DNAH1: variants seen among roughly 807,000 people sequenced by gnomAD.
DNAH1 encodes axonemal beta dynein heavy chain 1.
DNAH1 carries 327 observed loss-of-function variants against 484.3 expected under a neutral mutation model. That is an observed-to-expected ratio of 0.68 (90% CI 0.62 to 0.74). The LOEUF (loss-of-function observed/expected upper bound fraction) is 0.74. DNAH1 is among the 30% of genes least tolerant of loss of function. The pLI is 0.00. For synonymous variants in DNAH1, 2,192 were observed against 2,191.9 expected, an observed-to-expected ratio of 1.00 and a Z score of 0.00; for missense variants, 5,052 against 5,546.8, an observed-to-expected ratio of 0.91 and a Z score of 2.83.
At chr3:52,396,250 C>G (rs1704618325) in intron 70 of DNAH1, 118 bp from the exon 71 acceptor site, 2 of 1,165,538 alleles carry the variant, frequency 1.7e-6, no homozygotes, top group Non-Finnish European at 2.4e-6. Flanking sequence ...CAATTCTTAA[C>G]CAGTTGTCTG....
chr3:52,359,342 G>A lies in DNAH1; in HGVS notation c.4363G>A (p.Ala1455Thr). The A allele has an allele frequency of 6.4e-7, 1 of 1,570,638 alleles. No homozygotes were observed. Among genetic ancestry groups the A allele is most frequent in the Admixed American group, 1.8e-5 (1 of 54,788 alleles). ...WTMEVAEALEAGNLRSQLFPQ... is the reference protein window; with the variant it reads ...WTMEVAEALETGNLRSQLFPQ... ...CATGGAGGTGGCAGAGGCTCTGGAG[G>A]CCGGCAACCTCAGAAGCCAACTGTT... Residue 1455 changes from alanine to threonine, a missense_variant, in exon 26 of 78, where the codon GCC becomes ACC. Physicochemically the swap from Ala to Thr is moderately conservative, Grantham distance 58 (BLOSUM62 0). Around this residue, in one of 4 missense-constraint regions of DNAH1, gnomAD observed 2,929 missense variants for 3,409.4 expected, o/e 0.86. Coordinates refer to ENST00000420323, the MANE Select transcript of DNAH1 (RefSeq NM_015512.5).
Position 52,364,582 on chromosome 3 carries a change from G to A in DNAH1, c.5245-56G>A. The A allele has an allele frequency of 1.3e-6, 2 of 1,597,980 alleles. No homozygotes were observed. The highest frequency in any genetic ancestry group is 1.7e-6 in the Non-Finnish European group (2 of 1,165,858). On this transcript the variant is annotated intron_variant, in intron 32 of 77. Coordinates refer to ENST00000420323, the MANE Select transcript of DNAH1 (RefSeq NM_015512.5). This position sits in a 1 kb window ranked among gnomAD's most constrained non-coding sequence, Gnocchi z 4.2. ...CCAGGTGGGAGGCAGAGTGTTCCAG[G>A]CAGAAGCCTTGGAGAGGGACAGTGC... is the stretch of plus-strand genomic sequence containing the variant.
In DNAH1 at chr3:52,354,919, TC is replaced by T; in HGVS notation, c.3559del (p.Leu1187Ter). 1 of 1,613,930 alleles carries T rather than the reference TC, an allele frequency of 6.2e-7. No homozygotes were observed. Among genetic ancestry groups the T allele is most frequent in the Non-Finnish European group, 8.5e-7 (1 of 1,179,876 alleles). On this transcript the variant is annotated frameshift_variant, in exon 21 of 78. Coordinates refer to ENST00000420323, the MANE Select transcript of DNAH1 (RefSeq NM_015512.5). LOFTEE classifies it high-confidence loss of function. The part of the protein sequence containing the change: ...VLPYKATDTY[I>X]LKSPDEASQL... Reference sequence around the variant, plus strand: ...CCCTACAAGGCGACAGACACCTACATCCTGAAGAGCCCGGACGAGGCCTCAC... The same window carrying T: ...CCCTACAAGGCGACAGACACCTACATCTGAAGAGCCCGGACGAGGCCTCAC...
At chr3:52,373,133 T>G in intron 44 of DNAH1, 80 bp downstream of exon 44, 2 of 1,436,758 alleles carry the variant, frequency 1.4e-6, no homozygotes, top group Admixed American at 3.0e-5. Flanking sequence ...ACTGAAGGCC[T>G]ACAATACTTT....
intron 14 of DNAH1, 82 bp from the exon 15 acceptor site, chr3:52,349,907 C>G (rs1702300936): frequency 6.6e-7 from 1 of 1,515,302 alleles, no homozygotes; most frequent in Non-Finnish European, 8.9e-7. Context: ...TCGGGAGATG[C>G]TGGAGACCAA....
chr3:52,396,654 T>C lies in DNAH1; in HGVS notation c.11467T>C (p.Leu3823=). The C allele has an allele frequency of 6.2e-7, 1 of 1,613,648 alleles. No homozygotes were observed. Among genetic ancestry groups the C allele is most frequent in the Non-Finnish European group, 8.5e-7 (1 of 1,179,818 alleles). ...CAAGTCTCTGCTGCTGTCTCTGTGC[T>C]TGTTCCATGGGAACGCCCTGGAGCG... The part of the protein sequence containing the change: ...EFKSLLLSLC[L]FHGNALERRK... Residue 3823 remains leucine (L), a synonymous_variant, in exon 72 of 78, where the codon TTG becomes CTG. Coordinates refer to ENST00000420323, the MANE Select transcript of DNAH1 (RefSeq NM_015512.5).
In DNAH1 at chr3:52,370,544, T is replaced by TGG. The variant is rs1373121238; in HGVS notation, c.6326_6327insGG (p.Phe2109LeufsTer4). On this transcript the variant is annotated frameshift_variant, in exon 40 of 78. Transcript: ENST00000420323. LOFTEE classifies it high-confidence loss of function. The stretch of plus-strand genomic sequence containing the variant: ...GAGTTGATCGAGCCCTGGTTCATCT[T>TGG]CTCCCTGATCTGGAGCGTGGGTGCC... 1 of 1,613,922 alleles carries TGG rather than the reference T, an allele frequency of 6.2e-7. No individual in the cohort carries two copies. The highest frequency in any genetic ancestry group is 1.7e-5 in the Admixed American group (1 of 60,016).
At chr3:52,359,521 A>C in intron 26 of DNAH1, 135 bp downstream of exon 26, 1 of 1,249,706 alleles carries the variant, frequency 8.0e-7, no homozygotes, top group Non-Finnish European at 1.1e-6. Context: ...GAGGTCAGAC[A>C]CCCTTGAAGT....
intron 41 of DNAH1, 54 bp from the exon 42 acceptor site, chr3:52,371,892 G>A: frequency 6.3e-7 from 1 of 1,595,812 alleles, no homozygotes; most frequent in Non-Finnish European, 8.5e-7. Flanking sequence ...GCCGCAGCCA[G>A]GAGTGGGGCA....
intron 43 of DNAH1, among the ~76,000 whole-genome samples, chr3:52,372,659 G>A (rs1053108500): frequency 3.3e-5 from 5 of 152,246 alleles, no homozygotes; most frequent in Admixed American, 6.5e-5. Flanking sequence ...GAAGCCTGTT[G>A]TCCATCTGCC....
Position 52,346,779 on chromosome 3 carries a change from C to T in DNAH1, c.1955+9C>T, listed in dbSNP as rs371473789. The T allele has an allele frequency of 1.1e-4, 181 of 1,598,784 alleles. No homozygotes were observed. The highest frequency in any genetic ancestry group is 1.8e-4 in the East Asian group (8 of 44,432). The stretch of plus-strand genomic sequence containing the variant: ...ATTAACAGCCCCTACAGGTGGGGCC[C>T]GGCGGGGCGGAGGCACCTGTTGACA... On this transcript the variant is annotated intron_variant, in intron 11 of 77. Transcript: ENST00000420323.
In DNAH1 at chr3:52,350,610, C is replaced by A; in HGVS notation, c.2729+20C>A. On this transcript the variant is annotated intron_variant, in intron 16 of 77. Transcript: ENST00000420323. ...TGACAAGTGAGTGGGAGCTTGGCCC[C>A]CATGCCAGGTGCGGGGTGGAGCATG... 1 of 1,610,940 alleles carries A rather than the reference C, an allele frequency of 6.2e-7. No individual in the cohort carries two copies. Among genetic ancestry groups the A allele is most frequent in the Non-Finnish European group, 8.5e-7 (1 of 1,178,132 alleles).
chr3:52,327,946 C>T lies in DNAH1; in HGVS notation c.803C>T (p.Pro268Leu), dbSNP rs777223297. Residue 268 changes from proline to leucine, a missense_variant, in exon 6 of 78, where the codon CCA becomes CTA. This residue lies in a region of DNAH1 where 1,263 missense variants were observed against 1,218.8 expected (regional missense o/e 1.04). Transcript: ENST00000420323. ...PREWINMGLEPGSLDRKPVPG... is the reference protein window; with the variant it reads ...PREWINMGLELGSLDRKPVPG... Reference sequence around the variant, plus strand: ...GAGTGGATCAACATGGGCTTGGAGCCAGGGTCTCTGGACAGGAAACCTGTC... The same window carrying T: ...GAGTGGATCAACATGGGCTTGGAGCTAGGGTCTCTGGACAGGAAACCTGTC... 1 of 1,614,008 alleles carries T rather than the reference C, an allele frequency of 6.2e-7. No homozygotes were observed. The highest frequency in any genetic ancestry group is 2.2e-5 in the East Asian group (1 of 44,886).
intron 8 of DNAH1, among the ~76,000 whole-genome samples, chr3:52,334,643 A>G (rs1701672150): frequency 6.6e-6 from 1 of 151,976 alleles, no homozygotes. Context: ...AAATACAAAA[A>G]TTAGCTGAGC....
intron 3 of DNAH1, among the ~76,000 whole-genome samples, chr3:52,325,631 GTCATTTTTT>G (rs1405011180): frequency 6.6e-6 from 1 of 152,204 alleles, no homozygotes. Context: ...AGTAGCGGCA[GTCATTTTTT>G]GACTTGAGGG....
At chr3:52,347,242 G>A (rs918213327) in intron 11 of DNAH1, among the ~76,000 whole-genome samples, 4 of 152,152 alleles carry the variant, frequency 2.6e-5, no homozygotes, top group African/African-American at 4.8e-5. Flanking sequence ...AGGTACAGGC[G>A]GAGAGATCAG....
chr3:52,397,613 A>C, intron 73 of DNAH1, 94 bp from the exon 74 acceptor site: 1 of 1,166,758 alleles, frequency 8.6e-7, no homozygotes, highest in Non-Finnish European at 1.2e-6. Context: ...CAAGTGGGGA[A>C]TGTGACAAGT....
Position 52,360,062 on chromosome 3 carries a change from G to C in DNAH1, c.4554G>C (p.Gln1518His). 1 of 1,613,900 alleles carries C rather than the reference G, an allele frequency of 6.2e-7. No homozygotes were observed. Among genetic ancestry groups the C allele is most frequent in the Non-Finnish European group, 8.5e-7 (1 of 1,179,898 alleles). The change falls in exon 27 of 78, where the codon CAG (glutamine) becomes CAC (histidine). Residue 1518 changes from glutamine (Q) to histidine (H), a missense_variant. Physicochemically the swap from Gln to His is conservative, Grantham distance 24. Transcript: ENST00000420323. ...ACGTGGTCAGCGTGAATGACTTCCA[G>C]TGGATCTCACAGCTGAGGTGAGGAC... ...QENVVSVNDF[Q>H]WISQLRYYWT...
chr3:52,394,594 T>G lies in DNAH1; in HGVS notation c.10756T>G (p.Phe3586Val). ...ALSNLPTFSS[F>V]SSDFVKHLSE... The stretch of plus-strand genomic sequence containing the variant: ...CTCGAACCTGCCAACCTTTTCCTCC[T>G]TCTCTTCCGACTTCGTGAAGCACCT... The change falls in exon 67 of 78, where the codon TTC becomes GTC. Residue 3586 changes from phenylalanine (F) to valine (V), a missense_variant. By Grantham distance (50) the Phe-to-Val change is conservative. Around this residue, in one of 4 missense-constraint regions of DNAH1, gnomAD observed 853 missense variants for 899.0 expected, o/e 0.95. Transcript: ENST00000420323. The G allele has an allele frequency of 3.1e-6, 5 of 1,609,270 alleles. No homozygotes were observed. Among genetic ancestry groups the G allele is most frequent in the Non-Finnish European group, 4.2e-6 (5 of 1,176,670 alleles).
Sources: allele counts gnomAD v4.1 joint callset (sites outside exome capture counted in the v4.1 genomes callset), GRCh38; gene constraint gnomAD v4.1.1; regional missense constraint gnomAD v4.1.1; non-coding constraint Gnocchi (gnomAD v3.1); transcripts MANE v1.5; gene names NCBI Gene and HGNC (gene_info 2026-07-23, HGNC 2026-07-21).